RUBCNL: variants seen among roughly 807,000 people sequenced by gnomAD.
RUBCNL encodes the protein protein associated with UVRAG as autophagy enhancer.
A neutral mutation model predicts 69.5 loss-of-function variants in RUBCNL; 62 were observed. The ratio of observed to expected loss-of-function variants is 0.89; its 90% CI spans 0.73 to 1.10. The LOEUF is 1.10. Among genes scored for constraint, RUBCNL ranks in the 50% least tolerant of loss-of-function variants. The pLI is 0.00. For synonymous variants in RUBCNL, 291 were observed against 303.6 expected, an observed-to-expected ratio of 0.96 and a Z score of 0.43; for missense variants, 768 against 798.1, an observed-to-expected ratio of 0.96 and a Z score of 0.45.
In RUBCNL at chr13:46,351,237, G is replaced by C. The variant is rs568867608; in HGVS notation, c.1331-886C>G. Among the ~76,000 whole-genome samples, 6 of 152,198 alleles carry C rather than the reference G, an allele frequency of 3.9e-5. 1 individual carries two copies. In the South Asian group the frequency reaches 1.2e-3, roughly 32 times the overall value. ...CATGTCACTGCATTCCATCCAGCCT[G>C]GGCAACAGAGCGAGACCCTGTCACA... On this transcript the variant is annotated intron_variant, in intron 10 of 14. Coordinates refer to ENST00000429979, the MANE Select transcript of RUBCNL (RefSeq NM_025113.5).
chr13:46,374,796 C>T (rs2048953558), intron 2 of RUBCNL, among the ~76,000 whole-genome samples: 1 of 152,168 alleles, frequency 6.6e-6, no homozygotes, highest in Admixed American at 6.5e-5. Context: ...ATCCATAAGC[C>T]CCAACCACAC....
In RUBCNL at chr13:46,377,988, C is replaced by A; in HGVS notation, c.-221G>T. The A allele has an allele frequency of 1.3e-6, 2 of 1,565,902 alleles. No homozygotes were observed. The highest frequency in any genetic ancestry group is 1.2e-5 in the South Asian group (1 of 83,784). On this transcript the variant is annotated 5_prime_UTR_variant, in exon 2 of 15. Coordinates refer to ENST00000429979, the MANE Select transcript of RUBCNL (RefSeq NM_025113.5). Reference sequence around the variant, plus strand: ...TGCAGTAGTGACAGGAGGTCAATATCCCCATTTTTTATTTTATCTGTAAGG... The same window carrying A: ...TGCAGTAGTGACAGGAGGTCAATATACCCATTTTTTATTTTATCTGTAAGG...
At chr13:46,351,599 A>AT (rs2048369697) in intron 10 of RUBCNL, among the ~76,000 whole-genome samples, 1 of 152,354 alleles carries the variant, frequency 6.6e-6, no homozygotes, top group African/African-American at 2.4e-5. Flanking sequence ...AATTGGTTAA[A>AT]TAAGTATGGT....
chr13:46,379,429 A>G (rs964252755), intron 1 of RUBCNL, among the ~76,000 whole-genome samples: 1 of 152,238 alleles, frequency 6.6e-6, no homozygotes, highest in African/African-American at 2.4e-5. Context: ...CCCAGAACCC[A>G]GACCAGTGGC....
chr13:46,384,136 TAA>T (rs966775278), intron 1 of RUBCNL, among the ~76,000 whole-genome samples: 2 of 152,244 alleles, frequency 1.3e-5, no homozygotes, highest in African/African-American at 2.4e-5. Context: ...GATTTTTATA[TAA>T]GTCATGGGAC....
At chr13:46,351,716 C>T (rs2048372338) in intron 10 of RUBCNL, among the ~76,000 whole-genome samples, 1 of 151,578 alleles carries the variant, frequency 6.6e-6, no homozygotes, top group Non-Finnish European at 1.5e-5. Flanking sequence ...TATTTAAGAA[C>T]ATATATATAA....
chr13:46,382,693 C>A (rs889388311), intron 1 of RUBCNL, among the ~76,000 whole-genome samples: 1 of 152,126 alleles, frequency 6.6e-6, no homozygotes, highest in African/African-American at 2.4e-5. Flanking sequence ...ACCACCATGC[C>A]CGGCTAATTT....
chr13:46,362,759 A>G (rs1261888998), intron 6 of RUBCNL, among the ~76,000 whole-genome samples, 161 bp from the exon 7 acceptor site: 2 of 151,680 alleles, frequency 1.3e-5, no homozygotes, highest in Non-Finnish European at 2.9e-5. Context: ...AGAACAGATA[A>G]TGAGAGGACA....
intron 1 of RUBCNL, among the ~76,000 whole-genome samples, chr13:46,380,751 T>G (rs1168761260): frequency 6.6e-6 from 1 of 152,174 alleles, no homozygotes; most frequent in Non-Finnish European, 1.5e-5. Context: ...GCTAATACAT[T>G]AGGATACATA....
At chr13:46,369,179 C>G (rs933235544) in intron 3 of RUBCNL, among the ~76,000 whole-genome samples, 1 of 152,158 alleles carries the variant, frequency 6.6e-6, no homozygotes, top group African/African-American at 2.4e-5. Flanking sequence ...ATTATGAGAT[C>G]GCTTCTCTAG....
chr13:46,348,254 C>T (rs2048291915), intron 12 of RUBCNL, among the ~76,000 whole-genome samples: 1 of 152,090 alleles, frequency 6.6e-6, no homozygotes, highest in South Asian at 2.1e-4. Flanking sequence ...TTGGGGGCTG[C>T]ATGGTGGTGA....
At position 46,368,221 on chromosome 13, in the gene RUBCNL, A is replaced by G; in HGVS notation, c.647T>C (p.Met216Thr). The G allele has an allele frequency of 6.2e-7, 1 of 1,613,846 alleles. No individual in the cohort carries two copies. The highest frequency in any genetic ancestry group is 1.1e-5 in the South Asian group (1 of 91,064). ...CATTTTCTCCATTGCTGATATAATCATATCTGCAACATAAAAGTGGGCATT... is the reference window on the plus strand; with the variant it reads ...CATTTTCTCCATTGCTGATATAATCGTATCTGCAACATAAAAGTGGGCATT... Reference protein sequence around the residue: ...KENAHFYVADMIISAMEKMKC... With the variant: ...KENAHFYVADTIISAMEKMKC... Residue 216 changes from methionine (M) to threonine (T), a missense_variant, in exon 5 of 15, where the codon ATG (methionine) becomes ACG (threonine). Met to Thr is a moderately conservative substitution (Grantham distance 81). Coordinates refer to ENST00000429979, the MANE Select transcript of RUBCNL (RefSeq NM_025113.5).
chr13:46,377,044 CCTTT>C (rs59537460), intron 2 of RUBCNL, among the ~76,000 whole-genome samples: 32,701 of 151,814 alleles, frequency 0.22, 3,824 homozygotes, highest in East Asian at 0.48. Context: ...TTTTTTAGTT[CCTTT>C]CTCTTACTAG....
At chr13:46,346,211 A>G (rs1594130393) in intron 12 of RUBCNL, among the ~76,000 whole-genome samples, 1 of 152,162 alleles carries the variant, frequency 6.6e-6, no homozygotes, top group Non-Finnish European at 1.5e-5. Flanking sequence ...TATTCCCTGC[A>G]CTTCCAAGAC....
At chr13:46,358,003 A>G (rs1176744466) in intron 9 of RUBCNL, among the ~76,000 whole-genome samples, 1 of 152,212 alleles carries the variant, frequency 6.6e-6, no homozygotes, top group Non-Finnish European at 1.5e-5. Context: ...AAATTGTAAA[A>G]TTTGTTTACA....
chr13:46,340,410 A>G lies in RUBCNL; in HGVS notation c.*2975T>C, dbSNP rs150953040. 6.6e-6 allele frequency among the ~76,000 whole-genome samples: 1 copy of G among 152,246 alleles called. No homozygotes were observed. The highest frequency in any genetic ancestry group is 1.9e-4 in the East Asian group (1 of 5,182). On this transcript the variant is annotated 3_prime_UTR_variant, in exon 15 of 15. Transcript: ENST00000429979. ...TGTAATCTGTCTAGACCTCATTATT[A>G]CCATTTGCCCTTGCTTGTACCAGGC...
intron 4 of RUBCNL, 98 bp downstream of exon 4, chr13:46,368,635 T>C: frequency 3.8e-6 from 5 of 1,314,548 alleles, no homozygotes; most frequent in Non-Finnish European, 5.3e-6. Context: ...AACCTATTTG[T>C]AATGATTCAT....
At chr13:46,382,697 C>T (rs2049145685) in intron 1 of RUBCNL, among the ~76,000 whole-genome samples, 2 of 152,126 alleles carry the variant, frequency 1.3e-5, no homozygotes, top group Admixed American at 1.3e-4. Context: ...CCATGCCCGG[C>T]TAATTTTTTT....
At chr13:46,358,240 G>A (rs1594149746) in intron 9 of RUBCNL, among the ~76,000 whole-genome samples, 2 of 152,140 alleles carry the variant, frequency 1.3e-5, no homozygotes, top group South Asian at 2.1e-4. Context: ...AGGCACCTCC[G>A]TGGGGCAGAG....
Sources: allele counts gnomAD v4.1 joint callset (sites outside exome capture counted in the v4.1 genomes callset), GRCh38; gene constraint gnomAD v4.1.1; transcripts MANE v1.5; gene names NCBI Gene and HGNC (gene_info 2026-07-23, HGNC 2026-07-21).